The following CD247 variants were observed in gnomAD, a reference collection of about 807,000 sequenced individuals.
CD247 encodes T-cell surface glycoprotein CD3 zeta chain.
CD247 carries 13 observed loss-of-function variants against 30.0 expected under a neutral mutation model. That is an observed-to-expected ratio of 0.43 (90% CI 0.28 to 0.69). The LOEUF (loss-of-function observed/expected upper bound fraction) is 0.69, where lower values mean the gene tolerates loss of function less well. Among genes scored for constraint, CD247 ranks in the 30% least tolerant of loss-of-function variants. The probability of loss-of-function intolerance (pLI) is 0.16; values close to 1 mark genes in which losing one functional copy is unlikely to be tolerated. For missense variants in CD247, 193 were observed against 212.6 expected, an observed-to-expected ratio of 0.91 and a Z score of 0.57; for synonymous variants, 72 against 80.0, an observed-to-expected ratio of 0.90 and a Z score of 0.53.
chr1:167,484,435 T>C (rs751343234), intron 1 of CD247, among the ~76,000 whole-genome samples: 6 of 152,146 alleles, frequency 3.9e-5, no homozygotes, highest in Non-Finnish European at 7.3e-5. Context: ...GTCAAGTTTC[T>C]GGAGGAGGAG....
chr1:167,502,126 G>A (rs1295616867), intron 1 of CD247, among the ~76,000 whole-genome samples: 3 of 152,198 alleles, frequency 2.0e-5, no homozygotes, highest in African/African-American at 2.4e-5. Context: ...TGCTTGACAG[G>A]CAACCAGGCT....
intron 1 of CD247, among the ~76,000 whole-genome samples, chr1:167,511,800 T>G (rs954503688): frequency 6.6e-6 from 1 of 152,052 alleles, no homozygotes; most frequent in Non-Finnish European, 1.5e-5. Flanking sequence ...GAAACCATGT[T>G]TGAGGCCTGG....
intron 1 of CD247, among the ~76,000 whole-genome samples, chr1:167,497,401 G>C (rs1305329874): frequency 6.6e-6 from 1 of 152,060 alleles, no homozygotes; most frequent in Non-Finnish European, 1.5e-5. Flanking sequence ...GGTGTTTTAG[G>C]TTCTCAAAGC....
In CD247 at chr1:167,440,772, G is replaced by C. The variant is rs757005157; in HGVS notation, c.59-5C>G. 18 of 1,604,720 alleles carry C rather than the reference G, an allele frequency of 1.1e-5. No homozygotes were observed. Among genetic ancestry groups the C allele is most frequent in the Non-Finnish European group, 1.5e-5 (18 of 1,172,608 alleles). On this transcript the variant is annotated splice_region_variant and splice_polypyrimidine_tract_variant and intron_variant, in intron 1 of 7. Transcript: ENST00000362089. ...GCAGGCCAAAGCTCTGTGCCTCTGT[G>C]CCAAGAGATAAAGCTGGTCAGCCAG...
intron 1 of CD247, among the ~76,000 whole-genome samples, chr1:167,452,399 G>A (rs1427361504): frequency 7.0e-6 from 1 of 143,286 alleles, no homozygotes; most frequent in African/African-American, 2.5e-5. Context: ...GGGCGAGGGA[G>A]CAAGACTCTA....
intron 1 of CD247, among the ~76,000 whole-genome samples, chr1:167,473,357 G>A (rs1007570342): frequency 6.6e-6 from 1 of 152,154 alleles, no homozygotes; most frequent in African/African-American, 2.4e-5. Context: ...GAGGGCAGCT[G>A]CAACCTGCAT....
intron 1 of CD247, among the ~76,000 whole-genome samples, chr1:167,514,996 T>C (rs1411218492): frequency 6.6e-6 from 1 of 152,180 alleles, no homozygotes; most frequent in African/African-American, 2.4e-5. Flanking sequence ...ACAGCAGTGG[T>C]TATTCACCTA....
At chr1:167,438,074 A>G (rs1277062718) in intron 4 of CD247, among the ~76,000 whole-genome samples, 2 of 152,066 alleles carry the variant, frequency 1.3e-5, no homozygotes, top group African/African-American at 2.4e-5. Context: ...AGGGGAAAAA[A>G]CAAAGAGGAC....
chr1:167,479,682 A>G (rs533881983), intron 1 of CD247, among the ~76,000 whole-genome samples: 1 of 152,006 alleles, frequency 6.6e-6, no homozygotes, highest in African/African-American at 2.4e-5. Context: ...CATCTCTTCC[A>G]TCCAGCCAGG....
At chr1:167,495,550 G>A (rs1654656684) in intron 1 of CD247, among the ~76,000 whole-genome samples, 1 of 152,146 alleles carries the variant, frequency 6.6e-6, no homozygotes, top group Admixed American at 6.6e-5. Flanking sequence ...TCCTTGCCCA[G>A]CTGCTAGAAT....
Position 167,439,376 on chromosome 1 carries a change from C to G in CD247, c.187G>C (p.Ala63Pro), listed in dbSNP as rs55893506. ...VKFSRSADAP[A>P]YQQGQNQLYN... ...AGCTGGTTCTGGCCCTGCTGGTACGCGGGGGCGTCTGCGCTCCTGCTGAAC... is the reference window on the plus strand; with the variant it reads ...AGCTGGTTCTGGCCCTGCTGGTACGGGGGGGCGTCTGCGCTCCTGCTGAAC... The change falls in exon 3 of 8, where the codon GCG becomes CCG. Residue 63 changes from alanine (A) to proline (P), a missense_variant. Coordinates refer to ENST00000362089, the MANE Select transcript of CD247 (RefSeq NM_198053.3). The G allele has an allele frequency of 1.7e-5, 28 of 1,614,042 alleles. No individual in the cohort carries two copies. Among genetic ancestry groups the G allele is most frequent in the South Asian group, 1.4e-4 (13 of 91,090 alleles).
intron 1 of CD247, among the ~76,000 whole-genome samples, chr1:167,503,475 C>T (rs557573098): frequency 1.3e-5 from 2 of 152,282 alleles, no homozygotes; most frequent in Middle Eastern, 3.4e-3. Flanking sequence ...TATCTTCCTC[C>T]CTTCCCCCTG....
intron 1 of CD247, among the ~76,000 whole-genome samples, chr1:167,510,958 A>C (rs914357255): frequency 6.6e-6 from 1 of 152,150 alleles, no homozygotes; most frequent in Admixed American, 6.5e-5. Flanking sequence ...AGATATTCAC[A>C]TCTCCAGCTG....
chr1:167,492,864 A>G lies in CD247; in HGVS notation c.58+25544T>C, dbSNP rs530095636. On this transcript the variant is annotated intron_variant, in intron 1 of 7. Coordinates refer to ENST00000362089, the MANE Select transcript of CD247 (RefSeq NM_198053.3). ...TATAAAAGGCATCATTCCAGGAGCT[A>G]TCATGGCGTCTGCTAGGGGCAGAGA... Among the ~76,000 whole-genome samples the G allele has an allele frequency of 5.3e-5, 8 of 152,218 alleles. No homozygotes were observed. In the South Asian group the frequency reaches 1.7e-3, roughly 32 times the overall value.
At chr1:167,512,398 G>C (rs1040978681) in intron 1 of CD247, among the ~76,000 whole-genome samples, 4 of 152,124 alleles carry the variant, frequency 2.6e-5, no homozygotes, top group African/African-American at 9.7e-5. Flanking sequence ...AATACCTGTG[G>C]GGTGGGGTAA....
intron 1 of CD247, among the ~76,000 whole-genome samples, chr1:167,473,127 C>CACG (rs1489035058): frequency 1.7e-5 from 2 of 115,330 alleles, no homozygotes; most frequent in Admixed American, 9.8e-5. Context: ...ACACACACAC[C>CACG]CATCTGTAGT....
At chr1:167,460,575 G>A (rs1040960752) in intron 1 of CD247, among the ~76,000 whole-genome samples, 3 of 152,028 alleles carry the variant, frequency 2.0e-5, no homozygotes, top group South Asian at 2.1e-4. Context: ...CTACTCCCAC[G>A]GCCTCGGCGA....
At chr1:167,462,525 G>T (rs894468460) in intron 1 of CD247, among the ~76,000 whole-genome samples, 7 of 152,364 alleles carry the variant, frequency 4.6e-5, no homozygotes, top group African/African-American at 1.7e-4. Flanking sequence ...GTAAACAAGT[G>T]TATCTACATA....
At chr1:167,487,988 C>T (rs536153020) in intron 1 of CD247, among the ~76,000 whole-genome samples, 10 of 152,324 alleles carry the variant, frequency 6.6e-5, no homozygotes, top group African/African-American at 2.4e-4. Context: ...GTCTTCCCCA[C>T]TCGGCCCCCA....
Sources: gnomAD v4.1 joint callset for allele counts (sites outside exome capture counted in the v4.1 genomes callset) on GRCh38, gnomAD v4.1.1 for gene constraint, MANE v1.5 for transcripts, NCBI Gene and HGNC (gene_info 2026-07-23, HGNC 2026-07-21) for gene names.